CSMD1: variants seen among roughly 807,000 people sequenced by gnomAD.
CSMD1 encodes the protein CUB and Sushi multiple domains 1, also known as CUB and sushi domain-containing protein 1.
In CSMD1, 213 loss-of-function variants were observed where a neutral mutation model predicts 417.5. The ratio of observed to expected loss-of-function variants is 0.51; its 90% CI spans 0.46 to 0.57. The LOEUF is 0.57. Among genes scored for constraint, CSMD1 ranks in the 20% least tolerant of loss-of-function variants. The pLI is 0.00. For missense variants in CSMD1, 6,923 were observed against 4,529.7 expected (o/e 1.53, Z -15.17); for synonymous variants, 2,862 against 1,736.8 (o/e 1.65, Z -16.11).
intron 10 of CSMD1, among the ~76,000 whole-genome samples, chr8:3,561,548 G>A (rs1392022340): frequency 1.3e-5 from 2 of 152,090 alleles, no homozygotes; most frequent in Admixed American, 6.6e-5. Flanking sequence ...ACATGTTCTC[G>A]ATTATAAATG....
chr8:3,669,386 T>A (rs1798869246), intron 7 of CSMD1, among the ~76,000 whole-genome samples: 1 of 152,136 alleles, frequency 6.6e-6, no homozygotes, highest in African/African-American at 2.4e-5. Flanking sequence ...GCCTTGAGCT[T>A]CTTGGGCTGG....
chr8:4,966,530 C>A (rs1809869583), intron 1 of CSMD1, among the ~76,000 whole-genome samples: 1 of 152,210 alleles, frequency 6.6e-6, no homozygotes, highest in African/African-American at 2.4e-5. Flanking sequence ...TGAAACCCAA[C>A]TGTCACTGTC....
At chr8:4,286,635 G>A (rs1363279160) in intron 3 of CSMD1, among the ~76,000 whole-genome samples, 1 of 152,104 alleles carries the variant, frequency 6.6e-6, no homozygotes. Context: ...TCGAAGAAAG[G>A]TTTATCCTCC....
At chr8:3,080,258 G>A (rs191301031) in intron 49 of CSMD1, among the ~76,000 whole-genome samples, 1 of 152,120 alleles carries the variant, frequency 6.6e-6, no homozygotes, top group African/African-American at 2.4e-5. Context: ...GAGAATTTCA[G>A]TTCTAATTCA....
At chr8:4,478,114 G>A (rs1467580445) in intron 2 of CSMD1, among the ~76,000 whole-genome samples, 3 of 152,134 alleles carry the variant, frequency 2.0e-5, no homozygotes, top group Non-Finnish European at 2.9e-5. Flanking sequence ...ACCCCTGGCT[G>A]TTACGTTCAC....
chr8:4,700,875 G>A (rs970512377), intron 1 of CSMD1, among the ~76,000 whole-genome samples: 4 of 152,162 alleles, frequency 2.6e-5, no homozygotes, highest in South Asian at 2.1e-4. Context: ...TAGACCTACA[G>A]TGCTCCTGTT....
intron 1 of CSMD1, among the ~76,000 whole-genome samples, chr8:4,800,339 G>A (rs1471641481): frequency 6.6e-6 from 1 of 150,952 alleles, no homozygotes; most frequent in South Asian, 2.1e-4. Flanking sequence ...GCTGAGGCAG[G>A]AAGATTTCTT....
intron 3 of CSMD1, among the ~76,000 whole-genome samples, chr8:4,177,755 C>A (rs568794262): frequency 5.2e-4 from 79 of 151,452 alleles, no homozygotes; most frequent in African/African-American, 1.8e-3. Flanking sequence ...GATATCACCA[C>A]CGATCCCACT....
chr8:4,510,109 G>C (rs557596430), intron 2 of CSMD1, among the ~76,000 whole-genome samples: 1 of 151,936 alleles, frequency 6.6e-6, no homozygotes, highest in East Asian at 1.9e-4. Context: ...GAGATCTGAT[G>C]GTTGTATAAA....
At chr8:4,984,021 T>C (rs1363547012) in intron 1 of CSMD1, among the ~76,000 whole-genome samples, 1 of 152,128 alleles carries the variant, frequency 6.6e-6, no homozygotes, top group Non-Finnish European at 1.5e-5. Flanking sequence ...AAAAGACTGA[T>C]TATGGAGGAC....
chr8:4,326,585 C>A (rs954993427), intron 3 of CSMD1, among the ~76,000 whole-genome samples: 2 of 152,116 alleles, frequency 1.3e-5, no homozygotes, highest in African/African-American at 4.8e-5. Context: ...TTCCAAACTT[C>A]TTTTTCTCTC....
intron 3 of CSMD1, among the ~76,000 whole-genome samples, chr8:4,179,979 G>T (rs183090820): frequency 0.21 from 31,334 of 151,892 alleles, 3,367 homozygotes; most frequent in East Asian, 0.33. Flanking sequence ...CACTGTTAGT[G>T]GGACTGTAAA....
intron 26 of CSMD1, among the ~76,000 whole-genome samples, chr8:3,282,458 T>G (rs890120646): frequency 1.3e-5 from 2 of 152,218 alleles, no homozygotes; most frequent in African/African-American, 4.8e-5. Flanking sequence ...TTCTCAACTT[T>G]TTTGTTTTGC....
intron 12 of CSMD1, among the ~76,000 whole-genome samples, chr8:3,454,182 TC>T (rs1585188648): frequency 6.6e-6 from 1 of 152,188 alleles, no homozygotes; most frequent in Admixed American, 6.5e-5. Flanking sequence ...TTTCTCCACC[TC>T]TTTATTTTGA....
At chr8:4,763,132 G>A (rs1204898976) in intron 1 of CSMD1, among the ~76,000 whole-genome samples, 1 of 152,178 alleles carries the variant, frequency 6.6e-6, no homozygotes, top group Admixed American at 6.5e-5. Flanking sequence ...CAAAGACGAA[G>A]AGGTTAATAC....
intron 3 of CSMD1, among the ~76,000 whole-genome samples, chr8:4,312,948 G>A (rs748816051): frequency 1.3e-5 from 2 of 152,150 alleles, no homozygotes; most frequent in African/African-American, 4.8e-5. Flanking sequence ...GAAGCCCAGA[G>A]GAAGAGCCCA....
intron 3 of CSMD1, among the ~76,000 whole-genome samples, chr8:4,137,319 GC>G (rs1413861581): frequency 6.6e-6 from 1 of 152,138 alleles, no homozygotes; most frequent in Non-Finnish European, 1.5e-5. Context: ...TGGCACTCAG[GC>G]TAACCTTGCA....
intron 1 of CSMD1, among the ~76,000 whole-genome samples, chr8:4,760,084 A>G (rs533341788): frequency 1.3e-5 from 2 of 152,250 alleles, no homozygotes; most frequent in African/African-American, 4.8e-5. Flanking sequence ...TTGTTTCTAG[A>G]CTTTTTAATA....
chr8:4,808,905 A>G (rs1237279652), intron 1 of CSMD1, among the ~76,000 whole-genome samples: 1 of 152,226 alleles, frequency 6.6e-6, no homozygotes, highest in Non-Finnish European at 1.5e-5. Context: ...TTTACAAAAA[A>G]CTGAGCTGGA....
Sources: gnomAD v4.1 joint callset for allele counts (sites outside exome capture counted in the v4.1 genomes callset) on GRCh38, gnomAD v4.1.1 for gene constraint, MANE v1.5 for transcripts, NCBI Gene and HGNC (gene_info 2026-07-23, HGNC 2026-07-21) for gene names.